Variants in ALMS1 observed in about 807,000 individuals in gnomAD.
ALMS1 encodes centrosome-associated protein ALMS1.
ALMS1 carries 271 observed loss-of-function variants against 352.2 expected under a neutral mutation model. The ratio of observed to expected loss-of-function variants is 0.77; its 90% CI spans 0.70 to 0.85. ALMS1 has a LOEUF of 0.85. Among genes scored for constraint, ALMS1 ranks in the 40% least tolerant of loss-of-function variants. ALMS1 has a pLI of 0.00. For missense variants in ALMS1, 5,445 were observed against 4,870.7 expected (o/e 1.12, Z -3.51); for synonymous variants, 1,865 against 1,761.2 (o/e 1.06, Z -1.48).
At chr2:73,420,464 C>A (rs1671261364) in intron 3 of ALMS1, among the ~76,000 whole-genome samples, 1 of 152,128 alleles carries the variant, frequency 6.6e-6, no homozygotes, top group South Asian at 2.1e-4. Context: ...TATTTACCAT[C>A]TGACCCTTTA....
chr2:73,416,191 C>G (rs965951232), intron 2 of ALMS1, among the ~76,000 whole-genome samples: 2 of 152,282 alleles, frequency 1.3e-5, no homozygotes, highest in African/African-American at 4.8e-5. Flanking sequence ...GCTCACTAAC[C>G]TGTCCCCTAT....
At chr2:73,444,833 G>A (rs1671776023) in intron 7 of ALMS1, among the ~76,000 whole-genome samples, 1 of 152,046 alleles carries the variant, frequency 6.6e-6, no homozygotes. Flanking sequence ...TATAGTTTAA[G>A]ATAATGAATG....
At chr2:73,609,436 C>G in intron 22 of ALMS1, 132 bp from the exon 23 acceptor site, 1 of 842,156 alleles carries the variant, frequency 1.2e-6, no homozygotes, top group Non-Finnish European at 2.0e-6. Context: ...GTTTCTGAAG[C>G]AGAGTAAAAT....
chr2:73,547,933 T>G (rs1398865085), intron 12 of ALMS1, among the ~76,000 whole-genome samples: 1 of 151,998 alleles, frequency 6.6e-6, no homozygotes, highest in Non-Finnish European at 1.5e-5. Context: ...AGAAATAGTT[T>G]CTCCTAGATT....
rs761536394 is a variant in ALMS1 at position 73,419,212 on chromosome 2, A to G, written c.540A>G (p.Glu180=). 2.5e-6 allele frequency: 4 copies of G among 1,613,890 alleles called. No individual in the cohort carries two copies. In the South Asian group the frequency reaches 3.3e-5, roughly 13 times the overall value. ...AGACTAGGTTTAATGTGAGAACGGA[A>G]GATACTGAAGTGACAGACTTCCCCT... ...TSQTRFNVRT[E]DTEVTDFPSL... is the part of the protein sequence containing the mutation. The change falls in exon 3 of 23, where the codon GAA becomes GAG. Residue 180 remains glutamate, a synonymous_variant. Coordinates refer to ENST00000613296, the MANE Select transcript of ALMS1 (RefSeq NM_001378454.1).
intron 21 of ALMS1, among the ~76,000 whole-genome samples, chr2:73,607,128 G>T (rs907116867): frequency 1.2e-4 from 19 of 152,162 alleles, no homozygotes; most frequent in Non-Finnish European, 2.6e-4. Context: ...GGAGGCGTGG[G>T]AATTTTGCAG....
At chr2:73,442,716 G>A (rs1671742511) in intron 7 of ALMS1, among the ~76,000 whole-genome samples, 1 of 152,108 alleles carries the variant, frequency 6.6e-6, no homozygotes, top group South Asian at 2.1e-4. Context: ...AATGCTTTGT[G>A]CAAGAAAGGA....
Position 73,455,281 on chromosome 2 carries a change from A to G in ALMS1, c.7660A>G (p.Thr2554Ala), listed in dbSNP as rs1013265553. 6.2e-7 allele frequency: 1 copy of G among 1,614,130 alleles called. No individual in the cohort carries two copies. The highest frequency in any genetic ancestry group is 8.5e-7 in the Non-Finnish European group (1 of 1,179,990). The stretch of plus-strand genomic sequence containing the variant: ...AGAGTTATTTGGTCATGGAAGAACA[A>G]CTGACTTGTCCAAGGTATAAAAGAA... ...KAELFGHGRT[T>A]DLSKGLQSPR... Residue 2554 changes from threonine (T) to alanine (A), a missense_variant, in exon 9 of 23, where the codon ACT becomes GCT. By Grantham distance (58) the Thr-to-Ala change is moderately conservative (BLOSUM62 0). Coordinates refer to ENST00000613296, the MANE Select transcript of ALMS1 (RefSeq NM_001378454.1).
chr2:73,590,751 T>C (rs1318586681), intron 16 of ALMS1, among the ~76,000 whole-genome samples: 1 of 147,768 alleles, frequency 6.8e-6, no homozygotes, highest in Non-Finnish European at 1.5e-5. Context: ...AGATCTCGGC[T>C]CACTGCAACC....
At chr2:73,418,313 T>C (rs1253397922) in intron 2 of ALMS1, among the ~76,000 whole-genome samples, 1 of 152,152 alleles carries the variant, frequency 6.6e-6, no homozygotes, top group Non-Finnish European at 1.5e-5. Context: ...ATGGGTGATA[T>C]GATAATGTTA....
chr2:73,386,221 C>T, intron 1 of ALMS1, 29 bp downstream of exon 1: 3 of 1,489,538 alleles, frequency 2.0e-6, no homozygotes, highest in Non-Finnish European at 2.7e-6. Flanking sequence ...GGGTGTGGAG[C>T]CGCGGCGAGT....
intron 10 of ALMS1, among the ~76,000 whole-genome samples, chr2:73,508,101 CTCTTT>C (rs947262935): frequency 6.6e-6 from 1 of 150,442 alleles, no homozygotes; most frequent in East Asian, 1.9e-4. Context: ...GTTTTCTTTT[CTCTTT>C]TCTTTTCTCT....
chr2:73,537,687 G>C (rs943462527), intron 12 of ALMS1, among the ~76,000 whole-genome samples: 2 of 152,148 alleles, frequency 1.3e-5, no homozygotes, highest in Non-Finnish European at 2.9e-5. Flanking sequence ...GTAGAATCTG[G>C]TTTCCAGAGT....
Position 73,602,551 on chromosome 2 carries a change from C to T in ALMS1, c.12298+183C>T, listed in dbSNP as rs7576245. Among the ~76,000 whole-genome samples the T allele has an allele frequency of 0.37, 56,046 of 152,108 alleles. 13,982 individuals are homozygous for T. The highest frequency in any genetic ancestry group is 0.71 in the African/African-American group (29,407 of 41,468). On this transcript the variant is annotated intron_variant, in intron 20 of 22. Coordinates refer to ENST00000613296, the MANE Select transcript of ALMS1 (RefSeq NM_001378454.1). The stretch of plus-strand genomic sequence containing the variant: ...TCCCCAACTTAGCCGTCAGCACATT[C>T]ATGATCCAAGTAAGCCCAGTTACTC...
chr2:73,547,015 A>G (rs1314144559), intron 12 of ALMS1, among the ~76,000 whole-genome samples: 1 of 147,950 alleles, frequency 6.8e-6, no homozygotes, highest in East Asian at 1.9e-4. Context: ...TTTTGACTTT[A>G]TGATGGTATG....
Position 73,572,783 on chromosome 2 carries a change from C to A in ALMS1, c.10906C>A (p.Leu3636Ile), listed in dbSNP as rs1573030520. The A allele has an allele frequency of 3.7e-6, 6 of 1,614,108 alleles. 2 individuals carry two copies. In the Admixed American group the frequency reaches 8.3e-5, roughly 22 times the overall value. The change falls in exon 16 of 23, where the codon CTT becomes ATT. Residue 3636 changes from leucine to isoleucine, a missense_variant. By Grantham distance (5) the Leu-to-Ile change is conservative. Transcript: ENST00000613296. ...CCGACTTGATCGTTTGGCTAAAATT[C>A]TTCAGAATCCAATCACACATTCTCT... ...VDRLDRLAKI[L>I]QNPITHSLQV...
At chr2:73,558,231 A>G (rs6546847) in intron 14 of ALMS1, among the ~76,000 whole-genome samples, 58,976 of 152,106 alleles carry the variant, frequency 0.39, 15,948 homozygotes, top group African/African-American at 0.77. Context: ...AGTGGATATT[A>G]GAGGACAGAT....
intron 6 of ALMS1, among the ~76,000 whole-genome samples, chr2:73,427,040 A>G (rs567446322): frequency 1.3e-5 from 2 of 152,170 alleles, no homozygotes; most frequent in Non-Finnish European, 2.9e-5. Context: ...TGTCTTGGAA[A>G]AGGCATCCCA....
intron 8 of ALMS1, 152 bp downstream of exon 8, chr2:73,454,219 T>A: frequency 7.2e-7 from 1 of 1,386,720 alleles, no homozygotes; most frequent in East Asian, 2.5e-5. Flanking sequence ...AAATGTATTT[T>A]CCAATAGAAT....
Sources: allele counts gnomAD v4.1 joint callset (sites outside exome capture counted in the v4.1 genomes callset), GRCh38; gene constraint gnomAD v4.1.1; transcripts MANE v1.5; gene names NCBI Gene and HGNC (gene_info 2026-07-23, HGNC 2026-07-21).